PLA2G15: variants seen among roughly 807,000 people sequenced by gnomAD.
PLA2G15 encodes phospholipase A2 group XV.
A neutral mutation model predicts 40.9 loss-of-function variants in PLA2G15; 20 were observed. The ratio of observed to expected loss-of-function variants is 0.49; its 90% CI spans 0.34 to 0.71. The LOEUF is 0.71. Ranked by LOEUF, PLA2G15 falls within the 30% of genes least tolerant of loss-of-function variation. The probability of loss-of-function intolerance (pLI) is 0.01; values close to 1 mark genes in which losing one functional copy is unlikely to be tolerated. For missense variants in PLA2G15, 471 were observed against 541.9 expected (o/e 0.87, Z 1.30); for synonymous variants, 223 against 228.2 (o/e 0.98, Z 0.21).
intron 5 of PLA2G15, among the ~76,000 whole-genome samples, chr16:68,258,481 C>T (rs1210043438): frequency 6.6e-6 from 1 of 152,122 alleles, no homozygotes; most frequent in Non-Finnish European, 1.5e-5. Flanking sequence ...TATGTGCCGC[C>T]TTACTCCCTG....
chr16:68,249,766 T>C (rs2042338807), intron 2 of PLA2G15, among the ~76,000 whole-genome samples: 1 of 152,086 alleles, frequency 6.6e-6, no homozygotes. Flanking sequence ...GCAACCTCCG[T>C]CTCCCAGGTT....
At chr16:68,254,077 C>T (rs1040196346) in intron 2 of PLA2G15, among the ~76,000 whole-genome samples, 2 of 152,014 alleles carry the variant, frequency 1.3e-5, no homozygotes, top group African/African-American at 4.8e-5. Context: ...GGAGATGGAG[C>T]GATGGAAAGC....
In PLA2G15 at chr16:68,255,957, G is replaced by A. The variant is rs747474654; in HGVS notation, c.694G>A (p.Gly232Ser). 3 of 1,611,430 alleles carry A rather than the reference G, an allele frequency of 1.9e-6. No homozygotes were observed. The highest frequency in any genetic ancestry group is 2.5e-6 in the Non-Finnish European group (3 of 1,179,426). The change falls in exon 5 of 6, where the codon GGC becomes AGC. Residue 232 changes from glycine to serine, a missense_variant. Physicochemically the swap from Gly to Ser is moderately conservative, Grantham distance 56 (BLOSUM62 0). Transcript: ENST00000219345. This position sits in a 1 kb window ranked among gnomAD's most constrained non-coding sequence, Gnocchi z 5.9. ...AFVSLGAPWG[G>S]VAKTLRVLAS... ...CGTGTCACTGGGTGCGCCCTGGGGG[G>A]GCGTGGCCAAGACCCTGCGCGTCCT...
rs1220808022 is a variant in PLA2G15, at chr16:68,250,136, A to G, written c.284+690A>G. Reference sequence around the variant, plus strand: ...CTGCTGTTCTTTTGGCCTGGAATCTATTTCTACACCCTTTGCCTGATAAAT... The same window carrying G: ...CTGCTGTTCTTTTGGCCTGGAATCTGTTTCTACACCCTTTGCCTGATAAAT... On this transcript the variant is annotated intron_variant, in intron 2 of 5. Transcript: ENST00000219345. 3.1e-5 allele frequency among the ~76,000 whole-genome samples: 3 copies of G among 95,528 alleles called. No individual in the cohort carries two copies. In the East Asian group the frequency reaches 9.0e-4, roughly 29 times the overall value. The allele number at this position is 95,528 out of a possible 152,430, so 62.7% of individuals were successfully genotyped here.
intron 2 of PLA2G15, 42 bp from the exon 3 acceptor site, chr16:68,254,877 G>A: frequency 8.0e-7 from 1 of 1,253,536 alleles, no homozygotes; most frequent in Non-Finnish European, 1.2e-6. Context: ...ACCAAGCTCA[G>A]TGTCCCCTCC....
At position 68,259,956 on chromosome 16, in the gene PLA2G15, T is replaced by C. The variant is rs2042433008; in HGVS notation, c.*299T>C. 2 of 444,804 alleles carry C rather than the reference T, an allele frequency of 4.5e-6. No individual in the cohort carries two copies. The highest frequency in any genetic ancestry group is 8.2e-6 in the Non-Finnish European group (2 of 244,720). 27.6% of individuals were successfully genotyped at this position (444,804 alleles called of 1,614,324 possible). The stretch of plus-strand genomic sequence containing the variant: ...TGGACTGGCTGGGCCCTGGTCCCAG[T>C]CCCTGCCTGGGGCCATGTGTCCCCC... On this transcript the variant is annotated 3_prime_UTR_variant, in exon 6 of 6. Coordinates refer to ENST00000219345, the MANE Select transcript of PLA2G15 (RefSeq NM_012320.4). This position sits in a 1 kb window ranked among gnomAD's most constrained non-coding sequence, Gnocchi z 6.5.
chr16:68,247,439 C>T (rs1223680576), intron 1 of PLA2G15, among the ~76,000 whole-genome samples: 1 of 152,198 alleles, frequency 6.6e-6, no homozygotes, highest in East Asian at 1.9e-4. Context: ...TGGCTCTTTT[C>T]CTAGTTCCAG....
chr16:68,253,138 A>T (rs1434834855), intron 2 of PLA2G15, among the ~76,000 whole-genome samples: 1 of 152,156 alleles, frequency 6.6e-6, no homozygotes, highest in African/African-American at 2.4e-5. Flanking sequence ...GGGAGGTCAT[A>T]GGAGCATGGT....
At position 68,259,218 on chromosome 16, in the gene PLA2G15, G is replaced by C. The variant is rs2042423936; in HGVS notation, c.800G>C (p.Ser267Thr). The change falls in exon 6 of 6, where the codon AGC becomes ACC. Residue 267 changes from serine (S) to threonine (T), a missense_variant. Coordinates refer to ENST00000219345, the MANE Select transcript of PLA2G15 (RefSeq NM_012320.4). This position sits in a 1 kb window ranked among gnomAD's most constrained non-coding sequence, Gnocchi z 6.5. ...REQQRSAVST[S>T]WLLPYNYTWS... is the part of the protein sequence containing the mutation. ...CAGCAGCGGTCAGCTGTCTCCACCA[G>C]CTGGCTGCTGCCCTACAACTACACA... 1 of 1,613,696 alleles carries C rather than the reference G, an allele frequency of 6.2e-7. No homozygotes were observed. Among genetic ancestry groups the C allele is most frequent in the Non-Finnish European group, 8.5e-7 (1 of 1,180,012 alleles).
chr16:68,247,019 G>A (rs758457742), intron 1 of PLA2G15, among the ~76,000 whole-genome samples: 19 of 152,090 alleles, frequency 1.2e-4, no homozygotes, highest in Non-Finnish European at 2.4e-4. Context: ...GATGCTAACC[G>A]CACTCATCAA....
chr16:68,258,091 C>T (rs535560229), intron 5 of PLA2G15, among the ~76,000 whole-genome samples: 1 of 152,158 alleles, frequency 6.6e-6, no homozygotes, highest in East Asian at 1.9e-4. Flanking sequence ...CCAGAGGCCC[C>T]TGTTCCCAAG....
intron 5 of PLA2G15, among the ~76,000 whole-genome samples, chr16:68,258,141 G>A (rs563609781): frequency 1.3e-5 from 2 of 152,306 alleles, no homozygotes; most frequent in South Asian, 4.1e-4. Flanking sequence ...TGACTGCCGG[G>A]TGTTTGTGTT....
In PLA2G15 at chr16:68,255,930, T is replaced by G. The variant is rs1461862340; in HGVS notation, c.667T>G (p.Phe223Val). ...QAWKDKYIRA[F>V]VSLGAPWGGV... ...CTGGAAGGACAAGTATATCCGGGCC[T>G]TCGTGTCACTGGGTGCGCCCTGGGG... The change falls in exon 5 of 6, where the codon TTC (phenylalanine) becomes GTC (valine). Residue 223 changes from phenylalanine to valine, a missense_variant. Coordinates refer to ENST00000219345, the MANE Select transcript of PLA2G15 (RefSeq NM_012320.4). The surrounding 1 kb of genome is among the most constrained non-coding windows in gnomAD (Gnocchi z 5.9). 1 of 1,612,854 alleles carries G rather than the reference T, an allele frequency of 6.2e-7. No individual in the cohort carries two copies. Among genetic ancestry groups the G allele is most frequent in the South Asian group, 1.1e-5 (1 of 91,022 alleles).
At chr16:68,248,582 T>C in intron 1 of PLA2G15, 1 of 228,412 alleles carries the variant, frequency 4.4e-6, no homozygotes, top group Non-Finnish European at 8.9e-6. Flanking sequence ...AGATGGGCTT[T>C]CACCATATTG....
At chr16:68,258,341 C>T (rs1294407840) in intron 5 of PLA2G15, among the ~76,000 whole-genome samples, 1 of 152,192 alleles carries the variant, frequency 6.6e-6, no homozygotes, top group Non-Finnish European at 1.5e-5. Context: ...AAAGGGAAAG[C>T]AGAACATGTC....
rs769617421 is a variant in PLA2G15, at chr16:68,245,405, C to G, written c.-22C>G. The G allele has an allele frequency of 6.2e-7, 1 of 1,600,810 alleles. No homozygotes were observed. On this transcript the variant is annotated 5_prime_UTR_variant, in exon 1 of 6. Transcript: ENST00000219345. ...CAGAGAGCTGAACCTGCATCCCGGA[C>G]CTGCGGCGACCGTCGTACACCATGG...
At chr16:68,258,517 A>G (rs1432571907) in intron 5 of PLA2G15, among the ~76,000 whole-genome samples, 1 of 152,224 alleles carries the variant, frequency 6.6e-6, no homozygotes, top group Non-Finnish European at 1.5e-5. Context: ...AAAACAAAAC[A>G]TAGCTTGGAT....
chr16:68,256,020 G>A (rs2042399181), intron 5 of PLA2G15, 30 bp downstream of exon 5: 6 of 1,444,006 alleles, frequency 4.2e-6, no homozygotes, highest in Non-Finnish European at 5.7e-6. Flanking sequence ...AGCGTGGGGG[G>A]CTGTTGCCAG....
intron 2 of PLA2G15, 61 bp downstream of exon 2, chr16:68,249,507 G>T: frequency 6.7e-7 from 1 of 1,493,302 alleles, no homozygotes; most frequent in East Asian, 2.3e-5. Context: ...GAGGCCTCCA[G>T]AGTCTGTTCC....
Sources: allele counts gnomAD v4.1 joint callset (sites outside exome capture counted in the v4.1 genomes callset), GRCh38; gene constraint gnomAD v4.1.1; non-coding constraint Gnocchi (gnomAD v3.1); transcripts MANE v1.5; gene names NCBI Gene and HGNC (gene_info 2026-07-23, HGNC 2026-07-21).